The following ZFYVE26 variants were observed in gnomAD, a reference collection of about 807,000 sequenced individuals.
ZFYVE26 encodes zinc finger FYVE domain-containing protein 26.
A neutral mutation model predicts 276.5 loss-of-function variants in ZFYVE26; 181 were observed. The observed-to-expected ratio is 0.65, with a 90% CI of 0.58 to 0.74. The LOEUF (loss-of-function observed/expected upper bound fraction) is 0.74. Ranked by LOEUF, ZFYVE26 falls within the 30% of genes least tolerant of loss-of-function variation. The pLI is 0.00. For missense variants in ZFYVE26, 2,821 were observed against 3,097.9 expected (o/e 0.91, Z 2.12); for synonymous variants, 1,129 against 1,203.1 (o/e 0.94, Z 1.27).
At position 67,754,178 on chromosome 14, in the gene ZFYVE26, T is replaced by C; in HGVS notation, c.7021A>G (p.Thr2341Ala). ...MNTLQLQMEV[T>A]RFLHRCESAG... is the part of the protein sequence containing the mutation. ...CTTTCGCACCGATGCAAGAACCTGG[T>C]CACTTCCATCTGCAGCTGAAGTGTG... Residue 2341 changes from threonine to alanine, a missense_variant, in exon 38 of 42, where the codon ACC becomes GCC. Thr to Ala is a moderately conservative substitution (Grantham distance 58, BLOSUM62 0). Transcript: ENST00000347230. The C allele has an allele frequency of 6.2e-7, 1 of 1,614,256 alleles. No individual in the cohort carries two copies. The highest frequency in any genetic ancestry group is 8.5e-7 in the Non-Finnish European group (1 of 1,180,046).
At chr14:67,813,889 G>T in intron 3 of ZFYVE26, 97 bp downstream of exon 3, 1 of 862,560 alleles carries the variant, frequency 1.2e-6, no homozygotes, top group Non-Finnish European at 1.9e-6. Context: ...TGAATTTAAT[G>T]ATAAAGGAAG....
rs745737638 is a variant in ZFYVE26 at position 67,761,289 on chromosome 14, G to T, written c.6588+77C>A. 58 of 1,361,064 alleles carry T rather than the reference G, an allele frequency of 4.3e-5. No individual in the cohort carries two copies. In the East Asian group the frequency reaches 1.2e-3, roughly 27 times the overall value. 84.3% of individuals were successfully genotyped at this position (1,361,064 alleles called of 1,614,324 possible). Reference sequence around the variant, plus strand: ...CAGGGTTAAGTGTCAGGGGGTTATTGTCCCGCTTAAGGCTGAGTGGTCCAA... The same window carrying T: ...CAGGGTTAAGTGTCAGGGGGTTATTTTCCCGCTTAAGGCTGAGTGGTCCAA... On this transcript the variant is annotated intron_variant, in intron 35 of 41. Coordinates refer to ENST00000347230, the MANE Select transcript of ZFYVE26 (RefSeq NM_015346.4).
Position 67,814,039 on chromosome 14 carries a change from T to C in ZFYVE26, c.220A>G (p.Arg74Gly). 6.2e-7 allele frequency: 1 copy of C among 1,613,968 alleles called. No homozygotes were observed. Among genetic ancestry groups the C allele is most frequent in the East Asian group, 2.2e-5 (1 of 44,874 alleles). Reference sequence around the variant, plus strand: ...ACAAGAAGCCAGACCCAGGCTACTCTTTGAGGGTTGATGTCCTGCCCACAT... The same window carrying C: ...ACAAGAAGCCAGACCCAGGCTACTCCTTGAGGGTTGATGTCCTGCCCACAT... The part of the protein sequence containing the change: ...LRCGQDINPQ[R>G]VAWVWLLVLE... Residue 74 changes from arginine to glycine, a missense_variant, in exon 3 of 42, where the codon AGA becomes GGA. Arg to Gly is a moderately radical substitution (Grantham distance 125). Coordinates refer to ENST00000347230, the MANE Select transcript of ZFYVE26 (RefSeq NM_015346.4).
chr14:67,741,466 G>T (rs2038414678), intron 13 of ZFYVE26, among the ~76,000 whole-genome samples: 1 of 152,070 alleles, frequency 6.6e-6, no homozygotes, highest in Non-Finnish European at 1.5e-5. Flanking sequence ...ATGTCCACTG[G>T]GGGCCTAACC....
chr14:67,743,718 G>T (rs1043135386), downstream of ZFYVE26, among the ~76,000 whole-genome samples: 3 of 152,060 alleles, frequency 2.0e-5, no homozygotes, highest in Non-Finnish European at 4.4e-5. Context: ...AGAGTTAAGG[G>T]GGGCAGTCAA....
chr14:67,778,635 T>C (rs1382841185), intron 23 of ZFYVE26, among the ~76,000 whole-genome samples: 2 of 152,180 alleles, frequency 1.3e-5, no homozygotes, highest in South Asian at 2.1e-4. Flanking sequence ...AAAGTCAATA[T>C]GAAAAAATAA....
intron 10 of ZFYVE26, chr14:67,798,975 G>A (rs538027721): frequency 5.7e-5 from 64 of 1,129,374 alleles, no homozygotes; most frequent in South Asian, 1.7e-4. Context: ...TGGGAGGGGC[G>A]GGGGTGATTT....
chr14:67,777,559 C>A lies in ZFYVE26; in HGVS notation c.4974G>T (p.Lys1658Asn), dbSNP rs745702288. 4.3e-6 allele frequency: 7 copies of A among 1,613,726 alleles called. No homozygotes were observed. The highest frequency in any genetic ancestry group is 1.1e-5 in the South Asian group (1 of 91,034). Reference sequence around the variant, plus strand: ...CCTGGATTTCACGGTGTATCCTTACCTTGGATCCCACATACAGCGCCTGGA... The same window carrying A: ...CCTGGATTTCACGGTGTATCCTTACATTGGATCCCACATACAGCGCCTGGA... ...REIQALYVGS[K>N]ILLTLPEQHR... The change falls in exon 25 of 42, where the codon AAG (lysine) becomes AAT (asparagine). Residue 1658 changes from lysine (K) to asparagine (N), a missense_variant and splice_region_variant. Transcript: ENST00000347230.
At position 67,748,070 on chromosome 14, in the gene ZFYVE26, C is replaced by CTAAAG. The variant is rs1036312139; in HGVS notation, c.*361_*365dup. 13 of 278,724 alleles carry CTAAAG rather than the reference C, an allele frequency of 4.7e-5. No homozygotes were observed. The highest frequency in any genetic ancestry group is 7.6e-5 in the Non-Finnish European group (11 of 144,690). The allele number at this position is 278,724 out of a possible 1,614,324, so 17.3% of individuals were successfully genotyped here. A position where few individuals can be genotyped will look rare whatever the true frequency, so the allele number is the denominator to read the frequency against. Reference sequence around the variant, plus strand: ...AGGGAAGGTTTTCAGAGTGGCAAGTCTAAAGTAAAGTGCCTCTTTTAAATG... The same window carrying CTAAAG: ...AGGGAAGGTTTTCAGAGTGGCAAGTCTAAAGTAAAGTAAAGTGCCTCTTTTAAATG... On this transcript the variant is annotated 3_prime_UTR_variant, in exon 42 of 42. Coordinates refer to ENST00000347230, the MANE Select transcript of ZFYVE26 (RefSeq NM_015346.4).
Position 67,815,928 on chromosome 14 carries a change from C to A in ZFYVE26, c.36G>T (p.Ser12=). The A allele has an allele frequency of 6.2e-7, 1 of 1,613,186 alleles. No homozygotes were observed. Among genetic ancestry groups the A allele is most frequent in the South Asian group, 1.1e-5 (1 of 91,032 alleles). ...AGAAAAATCCAAAAAGCTGCTTCTG[C>A]GAAGCAGCTTCCTCTTTTCCAAATG... ...NHPFGKEEAA[S]QKQLFGFFCE... Residue 12 remains serine, a synonymous_variant, in exon 2 of 42, where the codon TCG becomes TCT. Coordinates refer to ENST00000347230, the MANE Select transcript of ZFYVE26 (RefSeq NM_015346.4).
At chr14:67,765,527 A>C (rs1238272515) in intron 32 of ZFYVE26, among the ~76,000 whole-genome samples, 1 of 152,204 alleles carries the variant, frequency 6.6e-6, no homozygotes, top group Non-Finnish European at 1.5e-5. Flanking sequence ...GATACCGCAG[A>C]GAAAATTATG....
intron 14 of ZFYVE26, chr14:67,729,074 C>A (rs918596462): frequency 9.5e-7 from 1 of 1,052,272 alleles, no homozygotes; most frequent in Non-Finnish European, 1.5e-6. Context: ...CCTGCTGAAT[C>A]CTGGGGTTAT....
Position 67,815,779 on chromosome 14 carries a change from T to G in ZFYVE26, c.185A>C (p.Asn62Thr). 6.2e-7 allele frequency: 1 copy of G among 1,613,164 alleles called. No homozygotes were observed. The part of the protein sequence containing the change: ...DILQALVVCP[N>T]LLRCGQDINP... ...AAAAGAGATCCCTTACCTCAGCAGATTTGGACACACCACCAATGCCTGAAG... is the reference window on the plus strand; with the variant it reads ...AAAAGAGATCCCTTACCTCAGCAGAGTTGGACACACCACCAATGCCTGAAG... The change falls in exon 2 of 42, where the codon AAT (asparagine) becomes ACT (threonine). Residue 62 changes from asparagine (N) to threonine (T), a missense_variant. Physicochemically the swap from Asn to Thr is moderately conservative, Grantham distance 65. Transcript: ENST00000347230.
chr14:67,742,306 T>G (rs1357588387), downstream of ZFYVE26, among the ~76,000 whole-genome samples: 1 of 152,188 alleles, frequency 6.6e-6, no homozygotes, highest in Non-Finnish European at 1.5e-5. Context: ...GATGAAAAAG[T>G]TCTGGAGATG....
Position 67,768,635 on chromosome 14 carries a change from T to A in ZFYVE26, c.5622-87A>T, listed in dbSNP as rs2039122491. ...TCGTAGACAGCATCAACTTACAGTG[T>A]CTCCCTGGTACAATGGAGGGCTCTT... On this transcript the variant is annotated intron_variant, in intron 29 of 41. Coordinates refer to ENST00000347230, the MANE Select transcript of ZFYVE26 (RefSeq NM_015346.4). 3.1e-6 allele frequency: 4 copies of A among 1,310,002 alleles called. No homozygotes were observed. In the South Asian group the frequency reaches 3.5e-5, roughly 12 times the overall value. 81.1% of individuals were successfully genotyped at this position (1,310,002 alleles called of 1,614,324 possible).
In ZFYVE26 at chr14:67,780,357, C is replaced by T; in HGVS notation, c.4570-12G>A. 6.2e-7 allele frequency: 1 copy of T among 1,609,536 alleles called. No homozygotes were observed. The highest frequency in any genetic ancestry group is 8.5e-7 in the Non-Finnish European group (1 of 1,177,896). On this transcript the variant is annotated splice_polypyrimidine_tract_variant and intron_variant, in intron 22 of 41. Transcript: ENST00000347230. ...TGCAAACCCAGAATCTAAGGAAAGA[C>T]AAGAAAATCCGTCAAACCACACTGC...
Position 67,794,175 on chromosome 14 carries a change from C to G in ZFYVE26, c.2397G>C (p.Thr799=), listed in dbSNP as rs146003951. Reference sequence around the variant, plus strand: ...AACTGGTGGAAATCTGCATACCTGACGTACTTGTGCTCAGCTCACTACTTG... The same window carrying G: ...AACTGGTGGAAATCTGCATACCTGAGGTACTTGTGCTCAGCTCACTACTTG... ...ESTSSELSTS[T]SEGSLSAMSG... Residue 799 remains threonine (T), a synonymous_variant, in exon 13 of 42, where the codon ACG becomes ACC. Transcript: ENST00000347230. 2 of 1,614,176 alleles carry G rather than the reference C, an allele frequency of 1.2e-6. No individual in the cohort carries two copies. The highest frequency in any genetic ancestry group is 1.7e-6 in the Non-Finnish European group (2 of 1,180,012).
chr14:67,805,569 C>T lies in ZFYVE26; in HGVS notation c.1067G>A (p.Cys356Tyr), dbSNP rs764841749. 1.2e-6 allele frequency: 2 copies of T among 1,614,208 alleles called. No homozygotes were observed. The highest frequency in any genetic ancestry group is 1.7e-6 in the Non-Finnish European group (2 of 1,180,046). ...GGGCCTGAATTCTCTATCAAGTAGG[C>T]AGCCAAGATTTGGGAAGTCTTCTTC... is the stretch of plus-strand genomic sequence containing the variant. ...LKEEDFPNLG[C>Y]LLDREFRPLS... Residue 356 changes from cysteine (C) to tyrosine (Y), a missense_variant, in exon 7 of 42, where the codon TGC becomes TAC. Transcript: ENST00000347230.
chr14:67,761,053 A>C, intron 35 of ZFYVE26: 1 of 600,748 alleles, frequency 1.7e-6, no homozygotes, highest in Non-Finnish European at 3.0e-6. Context: ...AGGCCACACA[A>C]GACTCACACT....
Sources: allele counts gnomAD v4.1 joint callset (sites outside exome capture counted in the v4.1 genomes callset), GRCh38; gene constraint gnomAD v4.1.1; transcripts MANE v1.5; gene names NCBI Gene and HGNC (gene_info 2026-07-23, HGNC 2026-07-21).